The following ANO3 variants were observed in gnomAD, a reference collection of about 807,000 sequenced individuals.
The protein encoded by ANO3 is anoctamin 3.
A neutral mutation model predicts 144.8 loss-of-function variants in ANO3; 99 were observed. That is an observed-to-expected ratio of 0.68 (90% CI 0.58 to 0.81). The LOEUF (loss-of-function observed/expected upper bound fraction) is 0.81. Among genes scored for constraint, ANO3 ranks in the 30% least tolerant of loss-of-function variants. The pLI is 0.00. For synonymous variants in ANO3, 414 were observed against 392.6 expected, an observed-to-expected ratio of 1.05 and a Z score of -0.64; for missense variants, 905 against 1,202.2, an observed-to-expected ratio of 0.75 and a Z score of 3.66.
intron 17 of ANO3, among the ~76,000 whole-genome samples, chr11:26,611,386 G>A (rs1320659124): frequency 6.6e-6 from 1 of 151,994 alleles, no homozygotes; most frequent in East Asian, 1.9e-4. Context: ...TTATTTAGAA[G>A]TATGCTGTTC....
intron 14 of ANO3, among the ~76,000 whole-genome samples, chr11:26,597,630 A>G (rs1851674177): frequency 6.6e-6 from 1 of 152,172 alleles, no homozygotes; most frequent in African/African-American, 2.4e-5. Flanking sequence ...TAATAGAGTG[A>G]AAACAGAGCT....
intron 14 of ANO3, among the ~76,000 whole-genome samples, chr11:26,595,544 A>G (rs1277112676): frequency 7.1e-6 from 1 of 141,348 alleles, no homozygotes; most frequent in Non-Finnish European, 1.5e-5. Flanking sequence ...GTTTGAGCAG[A>G]CCAATTATTA....
intron 9 of ANO3, among the ~76,000 whole-genome samples, chr11:26,535,662 A>G (rs1274379914): frequency 7.5e-6 from 1 of 132,888 alleles, no homozygotes; most frequent in Non-Finnish European, 1.5e-5. Context: ...AATTCACTGC[A>G]AGCTCTGCCT....
chr11:26,536,392 G>C (rs1849510764), intron 9 of ANO3, among the ~76,000 whole-genome samples: 1 of 151,492 alleles, frequency 6.6e-6, no homozygotes, highest in African/African-American at 2.4e-5. Context: ...CTAAATGTTA[G>C]TACTATATTG....
intron 3 of ANO3, among the ~76,000 whole-genome samples, chr11:26,451,088 G>C (rs1001320185): frequency 6.6e-6 from 1 of 152,148 alleles, no homozygotes; most frequent in Non-Finnish European, 1.5e-5. Flanking sequence ...TTAGAAAACA[G>C]ACTTATAGGG....
chr11:26,460,616 A>G (rs758547634), intron 3 of ANO3, among the ~76,000 whole-genome samples: 2 of 152,050 alleles, frequency 1.3e-5, no homozygotes, highest in Non-Finnish European at 2.9e-5. Flanking sequence ...GTATTTGGCA[A>G]ATGTTCAAAA....
At chr11:26,519,444 A>G (rs1320801988) in intron 6 of ANO3, among the ~76,000 whole-genome samples, 1 of 152,236 alleles carries the variant, frequency 6.6e-6, no homozygotes, top group Non-Finnish European at 1.5e-5. Flanking sequence ...ATAGTGAATT[A>G]TAAATACAAC....
intron 1 of ANO3, among the ~76,000 whole-genome samples, chr11:26,429,538 T>A (rs1858019063): frequency 1.3e-5 from 2 of 151,174 alleles, no homozygotes; most frequent in African/African-American, 4.9e-5. Context: ...TGTGACAGAT[T>A]TGAGACCAAA....
intron 6 of ANO3, among the ~76,000 whole-genome samples, chr11:26,523,455 G>A (rs1862167301): frequency 6.6e-6 from 1 of 152,162 alleles, no homozygotes; most frequent in African/African-American, 2.4e-5. Context: ...GAAATGGACA[G>A]GGGACTGCTA....
At chr11:26,358,635 A>G (rs1855848405) in intron 1 of ANO3, among the ~76,000 whole-genome samples, 1 of 152,018 alleles carries the variant, frequency 6.6e-6, no homozygotes, top group Non-Finnish European at 1.5e-5. Flanking sequence ...AGCCTTCTTA[A>G]ATATGTGGGT....
chr11:26,660,462 T>A lies in ANO3; in HGVS notation c.*18T>A. ...GGCCTTAGTTGACACCTGTTACCCA[T>A]TAGGGGTGATAACATTAATGGGAAG... is the stretch of plus-strand genomic sequence containing the variant. On this transcript the variant is annotated 3_prime_UTR_variant, in exon 27 of 27. Coordinates refer to ENST00000256737, the MANE Select transcript of ANO3 (RefSeq NM_031418.4). 6.3e-7 allele frequency: 1 copy of A among 1,585,540 alleles called. No homozygotes were observed. The highest frequency in any genetic ancestry group is 8.6e-7 in the Non-Finnish European group (1 of 1,168,456).
chr11:26,556,128 A>G (rs1166646511), intron 13 of ANO3, among the ~76,000 whole-genome samples: 1 of 152,146 alleles, frequency 6.6e-6, no homozygotes, highest in Non-Finnish European at 1.5e-5. Flanking sequence ...TTATTTTAGT[A>G]CTTAAAAGTA....
intron 20 of ANO3, 55 bp downstream of exon 20, chr11:26,635,125 C>A: frequency 6.7e-7 from 1 of 1,486,644 alleles, no homozygotes; most frequent in Non-Finnish European, 9.4e-7. Context: ...GGGCCAGTTA[C>A]TGCGGGAGGA....
At chr11:26,281,481 G>T (rs1212036816) in intron 1 of ANO3, among the ~76,000 whole-genome samples, 1 of 152,120 alleles carries the variant, frequency 6.6e-6, no homozygotes, top group Non-Finnish European at 1.5e-5. Context: ...CACCTCAGAT[G>T]ACTTGAGGGA....
chr11:26,197,545 G>C (rs1851614423), intron 1 of ANO3, among the ~76,000 whole-genome samples: 1 of 151,990 alleles, frequency 6.6e-6, no homozygotes, highest in South Asian at 2.1e-4. Context: ...TAGAGACGGG[G>C]TTTCACCATG....
intron 18 of ANO3, among the ~76,000 whole-genome samples, 185 bp downstream of exon 18, chr11:26,624,683 G>A (rs1238663357): frequency 6.6e-6 from 1 of 152,210 alleles, no homozygotes; most frequent in Non-Finnish European, 1.5e-5. Flanking sequence ...GACAATGCAT[G>A]TAGTTACAAA....
chr11:26,213,380 C>T (rs1409597870), intron 1 of ANO3, among the ~76,000 whole-genome samples: 1 of 151,654 alleles, frequency 6.6e-6, no homozygotes, highest in African/African-American at 2.4e-5. Context: ...ATTTAGAAGC[C>T]CCATCATCTC....
intron 1 of ANO3, among the ~76,000 whole-genome samples, chr11:26,345,538 T>C (rs1055253474): frequency 1.3e-5 from 2 of 152,084 alleles, no homozygotes; most frequent in Admixed American, 1.3e-4. Flanking sequence ...GGCAACAGAG[T>C]GAGACTCCAT....
intron 1 of ANO3, among the ~76,000 whole-genome samples, chr11:26,398,011 G>T (rs1439937138): frequency 6.9e-6 from 1 of 144,910 alleles, no homozygotes; most frequent in Non-Finnish European, 1.5e-5. Flanking sequence ...AAGGATGGGC[G>T]AAAAAAAAAA....
Sources: allele counts gnomAD v4.1 joint callset (sites outside exome capture counted in the v4.1 genomes callset), GRCh38; gene constraint gnomAD v4.1.1; transcripts MANE v1.5; gene names NCBI Gene and HGNC (gene_info 2026-07-23, HGNC 2026-07-21).